The following MME variants were observed in gnomAD, a reference collection of about 807,000 sequenced individuals.
The protein encoded by MME is membrane metalloendopeptidase.
In MME, 98 loss-of-function variants were observed where a neutral mutation model predicts 113.2. That is an observed-to-expected ratio of 0.87 (90% CI 0.74 to 1.02). MME has a LOEUF of 1.02. Among genes scored for constraint, MME ranks in the 50% least tolerant of loss-of-function variants. The probability of loss-of-function intolerance (pLI) is 0.00; values close to 1 mark genes in which losing one functional copy is unlikely to be tolerated. For missense variants in MME, 836 were observed against 896.0 expected (o/e 0.93, Z 0.86); for synonymous variants, 292 against 300.6 (o/e 0.97, Z 0.30).
rs1714563931 is a variant in MME, at chr3:155,071,745, G to T, written c.-10-12413G>T. 2.0e-5 allele frequency among the ~76,000 whole-genome samples: 3 copies of T among 152,198 alleles called. No homozygotes were observed. The South Asian group carries it at 6.2e-4, about 32-fold the overall frequency. ...TATCCAGTTGCCTGATACTGTAGGA[G>T]TCATTCTGGATTCTTTCTACTTTAC... is the stretch of plus-strand genomic sequence containing the variant. On this transcript the variant is annotated intron_variant, in intron 1 of 22. Coordinates refer to the MME transcript ENST00000492661.
In MME at chr3:155,140,183, A is replaced by G; in HGVS notation, c.856-8A>G. On this transcript the variant is annotated splice_region_variant and splice_polypyrimidine_tract_variant and intron_variant, in intron 9 of 22. Coordinates refer to ENST00000360490, the MANE Select transcript of MME (RefSeq NM_007289.4). Reference sequence around the variant, plus strand: ...TTCTAAAATAATGATTAAAAATTAAATCCATAGGCTACGGCTAAACCTGAA... The same window carrying G: ...TTCTAAAATAATGATTAAAAATTAAGTCCATAGGCTACGGCTAAACCTGAA... 6.3e-7 allele frequency: 1 copy of G among 1,592,542 alleles called. No individual in the cohort carries two copies. Among genetic ancestry groups the G allele is most frequent in the Non-Finnish European group, 8.6e-7 (1 of 1,163,270 alleles).
rs1365804348 is a variant in MME, at chr3:155,063,578, TAA to T, written c.-10-20579_-10-20578del. Among the ~76,000 whole-genome samples, 124 of 121,994 alleles carry T rather than the reference TAA, an allele frequency of 1.0e-3. 3 individuals carry two copies. Among genetic ancestry groups the T allele is most frequent in the African/African-American group, 3.1e-3 (99 of 31,464 alleles). The allele number at this position is 121,994 out of a possible 152,430, so 80.0% of individuals were successfully genotyped here. On this transcript the variant is annotated intron_variant, in intron 1 of 22. Coordinates refer to the MME transcript ENST00000492661. ...ATTTAATAAATATAATATATTTTATTAATATATATAATAAATATATTATATTT... is the reference window on the plus strand; with the variant it reads ...ATTTAATAAATATAATATATTTTATTTATATATAATAAATATATTATATTT...
intron 1 of MME, among the ~76,000 whole-genome samples, chr3:155,048,897 A>G (rs1260896836): frequency 6.6e-6 from 1 of 151,996 alleles, no homozygotes. Flanking sequence ...TAATTGTTTT[A>G]ATCTCTGTCC....
At chr3:155,113,740 A>G (rs899776103) in intron 3 of MME, among the ~76,000 whole-genome samples, 12 of 152,318 alleles carry the variant, frequency 7.9e-5, no homozygotes, top group African/African-American at 2.6e-4. Context: ...AATGAGAGGT[A>G]TGGAAGAGGG....
At chr3:155,095,626 C>T (rs559913709) in intron 3 of MME, among the ~76,000 whole-genome samples, 45 of 152,140 alleles carry the variant, frequency 3.0e-4, no homozygotes, top group African/African-American at 1.0e-3. Context: ...GCAATCCACA[C>T]GCCTCAGCCT....
chr3:155,137,641 G>C (rs35330405), intron 8 of MME, among the ~76,000 whole-genome samples: 9,832 of 152,202 alleles, frequency 0.065, 396 homozygotes, highest in East Asian at 0.17. Context: ...TAGAGATGTA[G>C]GTTGCAGTGA....
At chr3:155,134,909 A>G (rs1054510439) in intron 8 of MME, among the ~76,000 whole-genome samples, 3 of 152,092 alleles carry the variant, frequency 2.0e-5, no homozygotes, top group African/African-American at 7.2e-5. Context: ...GTTGTCTCGT[A>G]CATTTGTTGA....
intron 1 of MME, among the ~76,000 whole-genome samples, chr3:155,026,768 C>T (rs1024713548): frequency 6.6e-6 from 1 of 152,028 alleles, no homozygotes; most frequent in Non-Finnish European, 1.5e-5. Flanking sequence ...GAAAAAGAAG[C>T]CTCTTAAGTA....
Position 155,072,408 on chromosome 3 carries a change from G to A in MME, c.-10-11750G>A, listed in dbSNP as rs561635670. 4.6e-5 allele frequency among the ~76,000 whole-genome samples: 7 copies of A among 152,310 alleles called. No individual in the cohort carries two copies. In the South Asian group the frequency reaches 1.2e-3, roughly 27 times the overall value. ...CATTTTTCTTACCCACTAAACTGTG[G>A]ATTCCCTGATTACATAATCATTACA... On this transcript the variant is annotated intron_variant, in intron 1 of 22. Transcript: ENST00000492661.
chr3:155,176,468 C>A (rs911364098), intron 22 of MME, among the ~76,000 whole-genome samples: 1 of 152,106 alleles, frequency 6.6e-6, no homozygotes, highest in African/African-American at 2.4e-5. Context: ...GAGGATAATT[C>A]ATGTAATGTG....
intron 5 of MME, 49 bp downstream of exon 5, chr3:155,116,608 T>TATATATATATATA (rs776428703): frequency 7.2e-6 from 7 of 977,538 alleles, no homozygotes; most frequent in Non-Finnish European, 1.0e-5. Flanking sequence ...ATATATATAT[T>TATATATATATATA]GGTGCCAAAC....
rs1469642694 is a variant in MME at position 155,063,233 on chromosome 3, TA to T, written c.-10-20924del. Among the ~76,000 whole-genome samples the T allele has an allele frequency of 1.3e-3, 151 of 118,416 alleles. 2 individuals are homozygous for T. The highest frequency in any genetic ancestry group is 3.7e-3 in the East Asian group (16 of 4,368). 77.7% of individuals were successfully genotyped at this position (118,416 alleles called of 152,430 possible). A position where few individuals can be genotyped will look rare whatever the true frequency, so the allele number is the denominator to read the frequency against. On this transcript the variant is annotated intron_variant, in intron 1 of 22. Coordinates refer to the MME transcript ENST00000492661. The stretch of plus-strand genomic sequence containing the variant: ...ATAATAATATACATATGTATATTAT[TA>T]TATATTATATAATAATATACATATA...
intron 7 of MME, 64 bp downstream of exon 7, chr3:155,117,050 G>A (rs1475131975): frequency 2.2e-6 from 2 of 917,550 alleles, no homozygotes; most frequent in Non-Finnish European, 3.6e-6. Context: ...CACATACATT[G>A]TTGTTATTGA....
chr3:155,148,909 A>G (rs545915305), intron 16 of MME, among the ~76,000 whole-genome samples: 25 of 152,284 alleles, frequency 1.6e-4, no homozygotes, highest in African/African-American at 5.8e-4. Flanking sequence ...GTCATTGCCT[A>G]TCAGCTCAAT....
chr3:155,119,367 T>C (rs560588536), intron 8 of MME, among the ~76,000 whole-genome samples: 3 of 152,014 alleles, frequency 2.0e-5, no homozygotes, highest in Non-Finnish European at 4.4e-5. Flanking sequence ...TGCTTTCTTA[T>C]TGTCTCACAA....
chr3:155,053,139 T>A (rs1713815108), intron 1 of MME, among the ~76,000 whole-genome samples: 1 of 152,184 alleles, frequency 6.6e-6, no homozygotes, highest in African/African-American at 2.4e-5. Context: ...AGTTCCAAAC[T>A]TTCCCACATT....
chr3:155,133,480 A>G (rs943583725), intron 8 of MME, among the ~76,000 whole-genome samples: 3 of 151,610 alleles, frequency 2.0e-5, no homozygotes, highest in African/African-American at 4.8e-5. Flanking sequence ...TCAAAGTTCT[A>G]TAGTCTTTAA....
chr3:155,103,785 G>A (rs530547872), intron 3 of MME, among the ~76,000 whole-genome samples: 1 of 152,176 alleles, frequency 6.6e-6, no homozygotes, highest in East Asian at 1.9e-4. Flanking sequence ...TTAGCTAAGT[G>A]TTGCTGTTCT....
intron 1 of MME, among the ~76,000 whole-genome samples, chr3:155,059,209 A>G (rs1184118246): frequency 4.1e-5 from 6 of 147,050 alleles, no homozygotes; most frequent in Non-Finnish European, 7.5e-5. Context: ...CAGTGAGCCG[A>G]GATCACACCA....
Sources: allele counts gnomAD v4.1 joint callset (sites outside exome capture counted in the v4.1 genomes callset), GRCh38; gene constraint gnomAD v4.1.1; transcripts MANE v1.5; gene names NCBI Gene and HGNC (gene_info 2026-07-23, HGNC 2026-07-21).